Variants in MRPL42 observed in about 807,000 individuals in gnomAD.
MRPL42 encodes mitochondrial ribosomal protein L42.
MRPL42 carries 17 observed loss-of-function variants against 17.9 expected under a neutral mutation model. The observed-to-expected ratio is 0.95, with a 90% CI of 0.65 to 1.42. The LOEUF (loss-of-function observed/expected upper bound fraction) is 1.42. Among genes scored for constraint, MRPL42 ranks in the 40% most tolerant of loss-of-function variants. The probability of loss-of-function intolerance (pLI) is 0.00; values close to 1 mark genes in which losing one functional copy is unlikely to be tolerated. For missense variants in MRPL42, 177 were observed against 175.2 expected, an observed-to-expected ratio of 1.01 and a Z score of -0.06; for synonymous variants, 59 against 54.4, an observed-to-expected ratio of 1.08 and a Z score of -0.37.
rs374903645 is a variant in MRPL42, at chr12:93,477,041, G to T, written c.134+24G>T. ...TGGTATGTATTAAAATTCAATTGAA[G>T]AAATAATAGTCTTAGCTATAGCTGA... On this transcript the variant is annotated intron_variant, in intron 3 of 5. Coordinates refer to ENST00000549982, the MANE Select transcript of MRPL42 (RefSeq NM_014050.4). The T allele has an allele frequency of 8.2e-4, 1,206 of 1,476,638 alleles. 2 individuals carry two copies. The highest frequency in any genetic ancestry group is 8.8e-4 in the Non-Finnish European group (940 of 1,064,928). 91.5% of individuals were successfully genotyped at this position (1,476,638 alleles called of 1,614,324 possible). A position where few individuals can be genotyped will look rare whatever the true frequency, so the allele number is the denominator to read the frequency against.
At chr12:93,492,728 G>C (rs1206135789) in intron 5 of MRPL42, among the ~76,000 whole-genome samples, 1 of 152,270 alleles carries the variant, frequency 6.6e-6, no homozygotes, top group Admixed American at 6.5e-5. Context: ...TTGAGACTCT[G>C]ATAGCCCTAA....
chr12:93,483,323 GCATTGTTAGGCAATTT>G (rs563248708), intron 4 of MRPL42, among the ~76,000 whole-genome samples: 2,626 of 152,316 alleles, frequency 0.017, 30 homozygotes, highest in Non-Finnish European at 0.028. Context: ...TCTGAGAAAT[GCATTGTTAGGCAATTT>G]CATTGTTACG....
At chr12:93,491,099 C>G (rs909471346) in intron 5 of MRPL42, among the ~76,000 whole-genome samples, 1 of 152,160 alleles carries the variant, frequency 6.6e-6, no homozygotes, top group Admixed American at 6.5e-5. Flanking sequence ...CCATGTTGGC[C>G]AGGCTGGTCT....
intron 4 of MRPL42, 131 bp from the exon 5 acceptor site, chr12:93,487,366 G>T: frequency 1.4e-6 from 1 of 733,398 alleles, no homozygotes. Context: ...ACTTTGTTTT[G>T]ATAACTTATT....
intron 5 of MRPL42, among the ~76,000 whole-genome samples, chr12:93,495,451 T>G (rs2121261787): frequency 6.6e-6 from 1 of 152,200 alleles, no homozygotes; most frequent in Non-Finnish European, 1.5e-5. Context: ...CCCATGCTGG[T>G]CTCCAACTGC....
rs58440444 is a variant in MRPL42 at position 93,506,260 on chromosome 12, C to CTTTTTTTTTTTTTTTT, written c.*5046_*5061dup. The CTTTTTTTTTTTTTTTT allele has an allele frequency of 4.6e-5, 4 of 87,860 alleles. No individual in the cohort carries two copies. Among genetic ancestry groups the CTTTTTTTTTTTTTTTT allele is most frequent in the African/African-American group, 5.7e-5 (1 of 17,680 alleles). The allele number at this position is 87,860 out of a possible 1,614,324, so 5.4% of individuals were successfully genotyped here. A position where few individuals can be genotyped will look rare whatever the true frequency, so the allele number is the denominator to read the frequency against. ...AGTCTTCAATTCAGCAAGAATGTCT[C>CTTTTTTTTTTTTTTTT]TTTTTTTTTTTTTTTTTTTTTTGGG... On this transcript the variant is annotated 3_prime_UTR_variant, in exon 6 of 6. Coordinates refer to ENST00000549982, the MANE Select transcript of MRPL42 (RefSeq NM_014050.4).
chr12:93,470,679 A>G (rs1031277685), intron 2 of MRPL42: 5 of 546,912 alleles, frequency 9.1e-6, no homozygotes, highest in South Asian at 4.3e-5. Flanking sequence ...TATGTACCCA[A>G]TGTTTACCTC....
chr12:93,485,286 C>T (rs1419928061), intron 4 of MRPL42, among the ~76,000 whole-genome samples: 1 of 150,872 alleles, frequency 6.6e-6, no homozygotes, highest in Non-Finnish European at 1.5e-5. Context: ...TTTCAGCCTC[C>T]TGAGTAGCCG....
At position 93,501,185 on chromosome 12, in the gene MRPL42, A is replaced by G; in HGVS notation, c.393A>G (p.Arg131=). The G allele has an allele frequency of 6.2e-7, 1 of 1,600,018 alleles. No homozygotes were observed. Among genetic ancestry groups the G allele is most frequent in the African/African-American group, 1.3e-5 (1 of 74,312 alleles). ...TTTTCTTCTTTTCAAGGTATCACAG[A>G]TGTCGTAAGAATCTGAATCCTCCAA... ...HRWYPHGRYH[R]CRKNLNPPKD... is the part of the protein sequence containing the mutation. The change falls in exon 6 of 6, where the codon AGA becomes AGG. Residue 131 remains arginine (R), a synonymous_variant. Coordinates refer to ENST00000549982, the MANE Select transcript of MRPL42 (RefSeq NM_014050.4).
chr12:93,499,590 T>C (rs79153834), intron 5 of MRPL42, among the ~76,000 whole-genome samples: 2 of 152,266 alleles, frequency 1.3e-5, no homozygotes, highest in African/African-American at 4.8e-5. Context: ...GATTATCTGG[T>C]ATGTCAATGG....
In MRPL42 at chr12:93,469,386, CTT is replaced by C. The variant is rs775352054; in HGVS notation, c.70+34_70+35del. 2.0e-6 allele frequency: 3 copies of C among 1,502,666 alleles called. No individual in the cohort carries two copies. The African/African-American group carries it at 4.3e-5, about 21-fold the overall frequency. 93.1% of individuals were successfully genotyped at this position (1,502,666 alleles called of 1,614,324 possible). A position where few individuals can be genotyped will look rare whatever the true frequency, so the allele number is the denominator to read the frequency against. ...TGAAATTTTTTTTAATGTTTAAAAA[CTT>C]TTAAACTTTTAAGAATTAAGAAAAT... On this transcript the variant is annotated intron_variant, in intron 2 of 5. Transcript: ENST00000549982.
intron 2 of MRPL42, among the ~76,000 whole-genome samples, chr12:93,475,077 G>A (rs1022087846): frequency 6.6e-6 from 1 of 152,082 alleles, no homozygotes; most frequent in African/African-American, 2.4e-5. Flanking sequence ...AAGAACCTTG[G>A]GGGCAGGGAG....
In MRPL42 at chr12:93,488,738, T is replaced by C. The variant is rs148089724; in HGVS notation, c.383+1078T>C. On this transcript the variant is annotated intron_variant, in intron 5 of 5. Transcript: ENST00000549982. ...CTCACATTTTCCATCGATTCTTACC[T>C]GCCATTTGACTCTGGCATTAATTAG... Among the ~76,000 whole-genome samples, 514 of 152,348 alleles carry C rather than the reference T, an allele frequency of 3.4e-3. 2 individuals carry two copies. Among genetic ancestry groups the C allele is most frequent in the African/African-American group, 0.012 (479 of 41,596 alleles).
At chr12:93,500,266 G>T (rs1953564965) in intron 5 of MRPL42, among the ~76,000 whole-genome samples, 2 of 152,120 alleles carry the variant, frequency 1.3e-5, no homozygotes, top group Non-Finnish European at 2.9e-5. Context: ...AGTGCTAGAA[G>T]AGGAATTACT....
At chr12:93,479,136 T>A (rs1355113264) in intron 3 of MRPL42, among the ~76,000 whole-genome samples, 3 of 151,600 alleles carry the variant, frequency 2.0e-5, no homozygotes, top group Non-Finnish European at 4.4e-5. Flanking sequence ...TTTGCCAGGC[T>A]GGTCTTGAAC....
intron 5 of MRPL42, among the ~76,000 whole-genome samples, chr12:93,495,640 C>A (rs1448146831): frequency 1.3e-5 from 2 of 152,196 alleles, no homozygotes; most frequent in African/African-American, 2.4e-5. Flanking sequence ...ATACAACTTA[C>A]ACTCCCAGTT....
Position 93,510,978 on chromosome 12 carries a change from T to A in MRPL42, c.*9757T>A, listed in dbSNP as rs984298332. On this transcript the variant is annotated 3_prime_UTR_variant, in exon 6 of 6. Coordinates refer to ENST00000549982, the MANE Select transcript of MRPL42 (RefSeq NM_014050.4). ...TTTATCTTTAACACCATGTTATGGA[T>A]GGCAAAATAACTTCACTGGCTTTTT... is the stretch of plus-strand genomic sequence containing the variant. The A allele has an allele frequency of 6.6e-6, 1 of 152,204 alleles. No individual in the cohort carries two copies. Among genetic ancestry groups the A allele is most frequent in the Non-Finnish European group, 1.5e-5 (1 of 68,034 alleles). The allele number at this position is 152,204 out of a possible 1,614,324, so 9.4% of individuals were successfully genotyped here.
intron 5 of MRPL42, among the ~76,000 whole-genome samples, chr12:93,489,170 G>C (rs532331021): frequency 6.6e-6 from 1 of 152,300 alleles, no homozygotes; most frequent in African/African-American, 2.4e-5. Flanking sequence ...AGGGAAGATA[G>C]TAGAGTAAAT....
chr12:93,509,613 A>G lies in MRPL42; in HGVS notation c.*8392A>G, dbSNP rs1251984174. ...ATCAGGTGTTTGCACTAAGTTCAGC[A>G]TAAATGTAGTGACCTCCTGGGTCAC... On this transcript the variant is annotated 3_prime_UTR_variant, in exon 6 of 6. Transcript: ENST00000549982. The G allele has an allele frequency of 6.6e-6, 1 of 152,112 alleles. No homozygotes were observed. The highest frequency in any genetic ancestry group is 2.4e-5 in the African/African-American group (1 of 41,406). The allele number at this position is 152,112 out of a possible 1,614,324, so 9.4% of individuals were successfully genotyped here. A position where few individuals can be genotyped will look rare whatever the true frequency, so the allele number is the denominator to read the frequency against.
Sources: allele counts gnomAD v4.1 joint callset (sites outside exome capture counted in the v4.1 genomes callset), GRCh38; gene constraint gnomAD v4.1.1; transcripts MANE v1.5; gene names NCBI Gene and HGNC (gene_info 2026-07-23, HGNC 2026-07-21).